Variants in NWD2 observed in about 807,000 individuals in gnomAD.
NWD2 encodes NACHT and WD repeat domain-containing protein 2.
Under a neutral mutation model 132.7 loss-of-function variants are expected in NWD2, and 37 were observed. The ratio of observed to expected loss-of-function variants is 0.28; its 90% CI spans 0.21 to 0.37. The LOEUF (loss-of-function observed/expected upper bound fraction) is 0.37. Ranked by LOEUF, NWD2 falls within the 10% of genes least tolerant of loss-of-function variation. The pLI, the probability that NWD2 is intolerant of heterozygous loss-of-function variation, is 1.00. For synonymous variants in NWD2, 705 were observed against 803.0 expected (o/e 0.88, Z 2.06); for missense variants, 1,592 against 2,122.4 (o/e 0.75, Z 4.91).
chr4:37,384,242 A>T (rs575708570), intron 3 of NWD2, among the ~76,000 whole-genome samples: 16 of 152,272 alleles, frequency 1.1e-4, no homozygotes, highest in African/African-American at 3.4e-4. Flanking sequence ...TCTTTTCTTT[A>T]GCTTTTAATC....
At chr4:37,343,307 A>G (rs1047900068) in intron 2 of NWD2, among the ~76,000 whole-genome samples, 1 of 152,220 alleles carries the variant, frequency 6.6e-6, no homozygotes, top group African/African-American at 2.4e-5. Context: ...TAGTACAACA[A>G]TCTTCTTGCT....
intron 3 of NWD2, among the ~76,000 whole-genome samples, chr4:37,428,342 C>A (rs564302121): frequency 6.6e-6 from 1 of 152,228 alleles, no homozygotes; most frequent in Non-Finnish European, 1.5e-5. Context: ...AGAAAAATGC[C>A]CCCAGATTGA....
chr4:37,260,367 G>T (rs186796157), intron 1 of NWD2, among the ~76,000 whole-genome samples: 46 of 152,276 alleles, frequency 3.0e-4, no homozygotes, highest in African/African-American at 1.1e-3. Context: ...TTGAGCTGCA[G>T]TATTGCATTA....
chr4:37,275,014 T>A (rs1028384499), intron 1 of NWD2, among the ~76,000 whole-genome samples: 4 of 152,142 alleles, frequency 2.6e-5, no homozygotes, highest in African/African-American at 7.2e-5. Context: ...CTTTGAAAAC[T>A]GGCACAAGAC....
rs550596137 is a variant in NWD2 at position 37,275,658 on chromosome 4, A to G, written c.151+30440A>G. ...AAAAGAACAAAGCTGGAGGCATCAC[A>G]CTACCTGACTTCAAACTATACTACA... On this transcript the variant is annotated intron_variant, in intron 1 of 6. Coordinates refer to ENST00000309447, the MANE Select transcript of NWD2 (RefSeq NM_001144990.2). Among the ~76,000 whole-genome samples the G allele has an allele frequency of 2.6e-4, 39 of 152,196 alleles. No homozygotes were observed. The South Asian group carries it at 7.3e-3, about 28-fold the overall frequency.
chr4:37,282,681 G>T (rs1013385371), intron 1 of NWD2, among the ~76,000 whole-genome samples: 4 of 152,002 alleles, frequency 2.6e-5, no homozygotes, highest in Non-Finnish European at 5.9e-5. Flanking sequence ...TATGTTTTGG[G>T]GCATTAGTGT....
At chr4:37,321,422 G>A (rs949046406) in intron 1 of NWD2, among the ~76,000 whole-genome samples, 1 of 152,134 alleles carries the variant, frequency 6.6e-6, no homozygotes, top group African/African-American at 2.4e-5. Flanking sequence ...AAATCACAAA[G>A]GAATCATTCA....
At chr4:37,424,399 G>GCAAGC (rs1577698951) in intron 3 of NWD2, among the ~76,000 whole-genome samples, 2 of 152,254 alleles carry the variant, frequency 1.3e-5, no homozygotes, top group East Asian at 3.9e-4. Context: ...ATGGCCTTGG[G>GCAAGC]CAAGCCTGCT....
intron 3 of NWD2, among the ~76,000 whole-genome samples, chr4:37,392,425 C>T (rs995243581): frequency 2.0e-5 from 3 of 152,172 alleles, no homozygotes; most frequent in African/African-American, 4.8e-5. Flanking sequence ...TAATTCTCTG[C>T]GGCGGGGGCT....
chr4:37,436,465 CT>C (rs1439146153), intron 5 of NWD2, among the ~76,000 whole-genome samples: 1 of 152,126 alleles, frequency 6.6e-6, no homozygotes, highest in Admixed American at 6.5e-5. Flanking sequence ...TTTATCCCCC[CT>C]GAGCCAAGCT....
At chr4:37,410,363 T>C (rs1201219944) in intron 3 of NWD2, among the ~76,000 whole-genome samples, 1 of 152,086 alleles carries the variant, frequency 6.6e-6, no homozygotes. Context: ...TCCTAATCTG[T>C]GATAAAACAC....
At chr4:37,400,121 A>G (rs550940826) in intron 3 of NWD2, among the ~76,000 whole-genome samples, 4 of 152,312 alleles carry the variant, frequency 2.6e-5, no homozygotes, top group Middle Eastern at 3.4e-3. Flanking sequence ...ACAGATACAT[A>G]TGGGTAAATT....
intron 1 of NWD2, among the ~76,000 whole-genome samples, chr4:37,253,469 G>T (rs1409300893): frequency 1.3e-5 from 2 of 152,194 alleles, no homozygotes; most frequent in African/African-American, 2.4e-5. Context: ...TGTCCCAAGG[G>T]ATAGAAGTGA....
intron 1 of NWD2, among the ~76,000 whole-genome samples, chr4:37,295,313 T>C (rs970327160): frequency 2.6e-5 from 4 of 152,236 alleles, no homozygotes; most frequent in Non-Finnish European, 4.4e-5. Flanking sequence ...AATGATCGTG[T>C]ACTTTGTGTT....
intron 5 of NWD2, among the ~76,000 whole-genome samples, chr4:37,434,700 C>A (rs1319382780): frequency 6.6e-6 from 1 of 151,156 alleles, no homozygotes; most frequent in Admixed American, 6.6e-5. Flanking sequence ...GCAGAGGGAG[C>A]AACAGATTTA....
In NWD2 at chr4:37,443,699, C is replaced by G; in HGVS notation, c.1711C>G (p.Pro571Ala). Residue 571 changes from proline to alanine, a missense_variant, in exon 7 of 7, where the codon CCC becomes GCC. Physicochemically the swap from Pro to Ala is conservative, Grantham distance 27. This residue lies in a region of NWD2 where 1,071 missense variants were observed against 1,398.0 expected (regional missense o/e 0.77). Transcript: ENST00000309447. The surrounding 1 kb of genome is among the most constrained non-coding windows in gnomAD (Gnocchi z 4.1). ...AGAAGACAACTACATCGAGCTGATTCCCCGAGACAGGAAGATGTGCAGCCA... is the reference window on the plus strand; with the variant it reads ...AGAAGACAACTACATCGAGCTGATTGCCCGAGACAGGAAGATGTGCAGCCA... Reference protein sequence around the residue: ...HEEDNYIELIPRDRKMCSQVL... With the variant: ...HEEDNYIELIARDRKMCSQVL... 1 of 1,552,046 alleles carries G rather than the reference C, an allele frequency of 6.4e-7. No homozygotes were observed. The highest frequency in any genetic ancestry group is 8.7e-7 in the Non-Finnish European group (1 of 1,147,090).
At chr4:37,272,386 T>G (rs540307765) in intron 1 of NWD2, among the ~76,000 whole-genome samples, 1 of 151,928 alleles carries the variant, frequency 6.6e-6, no homozygotes, top group African/African-American at 2.4e-5. Context: ...TCATTAATAG[T>G]TGACAAAATA....
chr4:37,258,511 G>C (rs927580564), intron 1 of NWD2, among the ~76,000 whole-genome samples: 6 of 152,198 alleles, frequency 3.9e-5, no homozygotes, highest in African/African-American at 1.4e-4. Flanking sequence ...GTTAATTCAA[G>C]CTTGCAGATC....
chr4:37,265,837 G>A (rs898904137), intron 1 of NWD2, among the ~76,000 whole-genome samples: 58 of 152,032 alleles, frequency 3.8e-4, no homozygotes, highest in Non-Finnish European at 1.8e-4. Context: ...TGCAGAGTCA[G>A]TCCCCTTTGC....
Sources: allele counts gnomAD v4.1 joint callset (sites outside exome capture counted in the v4.1 genomes callset), GRCh38; gene constraint gnomAD v4.1.1; regional missense constraint gnomAD v4.1.1; non-coding constraint Gnocchi (gnomAD v3.1); transcripts MANE v1.5; gene names NCBI Gene and HGNC (gene_info 2026-07-23, HGNC 2026-07-21).